TENM2: variants seen among roughly 807,000 people sequenced by gnomAD.
The protein encoded by TENM2 is teneurin transmembrane protein 2.
Under a neutral mutation model 245.2 loss-of-function variants are expected in TENM2, and 52 were observed. The ratio of observed to expected loss-of-function variants is 0.21; its 90% confidence interval spans 0.17 to 0.27. The LOEUF is 0.27. Among genes scored for constraint, TENM2 ranks in the 10% least tolerant of loss-of-function variants. The pLI is 1.00. For synonymous variants in TENM2, 1,363 were observed against 1,438.9 expected (o/e 0.95, Z 1.19); for missense variants, 3,046 against 3,666.8 (o/e 0.83, Z 4.37).
At chr5:167,958,899 G>A (rs917805064) in intron 4 of TENM2, among the ~76,000 whole-genome samples, 4 of 152,056 alleles carry the variant, frequency 2.6e-5, no homozygotes, top group Non-Finnish European at 5.9e-5. Flanking sequence ...CTTTCTCTCT[G>A]GCTGCCCTTA....
chr5:167,492,570 A>G (rs12655294), intron 2 of TENM2, among the ~76,000 whole-genome samples: 31,628 of 151,948 alleles, frequency 0.21, 3,286 homozygotes, highest in East Asian at 0.35. Context: ...TTATATGGCT[A>G]TTTTATAGAA....
chr5:167,461,323 C>A (rs1766276463), intron 2 of TENM2, among the ~76,000 whole-genome samples: 1 of 151,720 alleles, frequency 6.6e-6, no homozygotes, highest in Non-Finnish European at 1.5e-5. Flanking sequence ...GAGAATAACT[C>A]TTTTCCTTTA....
chr5:167,423,848 T>G (rs190144632), intron 2 of TENM2, among the ~76,000 whole-genome samples: 1 of 152,328 alleles, frequency 6.6e-6, no homozygotes, highest in African/African-American at 2.4e-5. Context: ...ATGATTCTCA[T>G]GTGGGGCATC....
intron 2 of TENM2, among the ~76,000 whole-genome samples, chr5:167,389,284 G>A (rs904824958): frequency 4.0e-5 from 6 of 149,598 alleles, no homozygotes; most frequent in Admixed American, 1.3e-4. Context: ...ATGCATATAG[G>A]CATGAAAAAG....
At chr5:166,994,317 T>C in the TENM2 span, among the ~76,000 whole-genome samples, 1 of 152,232 alleles carries the variant, frequency 6.6e-6, no homozygotes, top group African/African-American at 2.4e-5. Flanking sequence ...GGCGATCATC[T>C]TAGCTTCCTC....
chr5:167,570,016 C>A (rs1774166608), intron 2 of TENM2, among the ~76,000 whole-genome samples: 1 of 152,082 alleles, frequency 6.6e-6, no homozygotes, highest in Admixed American at 6.6e-5. Flanking sequence ...GGACATGTAA[C>A]CTGTCCTGGT....
intron 2 of TENM2, among the ~76,000 whole-genome samples, chr5:167,853,180 C>T (rs1165972279): frequency 6.7e-6 from 1 of 149,412 alleles, no homozygotes; most frequent in Non-Finnish European, 1.5e-5. Context: ...GTTCCAGCTA[C>T]TCAGGAGGCT....
chr5:167,131,205 C>G, the TENM2 span, among the ~76,000 whole-genome samples: 1 of 152,232 alleles, frequency 6.6e-6, no homozygotes, highest in South Asian at 2.1e-4. Context: ...ATGGTACAAA[C>G]ATTTTTATTT....
At chr5:168,086,152 A>G (rs1792436344) in intron 7 of TENM2, among the ~76,000 whole-genome samples, 1 of 152,070 alleles carries the variant, frequency 6.6e-6, no homozygotes, top group Non-Finnish European at 1.5e-5. Flanking sequence ...TTCTAGAAGC[A>G]TCTCTGGGCT....
the TENM2 span, among the ~76,000 whole-genome samples, chr5:167,021,689 A>G: frequency 6.6e-6 from 1 of 152,184 alleles, no homozygotes; most frequent in Non-Finnish European, 1.5e-5. Flanking sequence ...AAACTGATGG[A>G]TGTTGCCTAG....
chr5:167,827,789 T>G (rs990153793), intron 2 of TENM2, among the ~76,000 whole-genome samples: 1 of 152,134 alleles, frequency 6.6e-6, no homozygotes, highest in African/African-American at 2.4e-5. Context: ...TTTTCCAACC[T>G]CTGGACAATG....
chr5:167,200,000 G>A, the TENM2 span, among the ~76,000 whole-genome samples: 2 of 152,022 alleles, frequency 1.3e-5, no homozygotes, highest in African/African-American at 4.8e-5. Flanking sequence ...GTAAGAGCTG[G>A]AACTTAGGGA....
chr5:167,479,014 A>T (rs1031649194), intron 2 of TENM2, among the ~76,000 whole-genome samples: 3 of 148,218 alleles, frequency 2.0e-5, no homozygotes. Context: ...GTATACAGGT[A>T]CATGTGTTTA....
chr5:168,213,616 G>C (rs905876343), intron 20 of TENM2, among the ~76,000 whole-genome samples: 7 of 151,902 alleles, frequency 4.6e-5, no homozygotes, highest in African/African-American at 1.7e-4. Context: ...CTTGAGGCCA[G>C]GAGTTTGAGA....
intron 5 of TENM2, 142 bp from the exon 8 acceptor site, chr5:168,047,285 A>G (rs939520629): frequency 2.3e-6 from 2 of 851,948 alleles, no homozygotes; most frequent in African/African-American, 3.4e-5. Context: ...TATTTAGCTA[A>G]TCCCTGTGGC....
chr5:167,628,161 A>G (rs762004229), intron 2 of TENM2, among the ~76,000 whole-genome samples: 9 of 152,146 alleles, frequency 5.9e-5, no homozygotes, highest in Non-Finnish European at 1.0e-4. Context: ...TTTATCTTCC[A>G]GTTCTTACTC....
chr5:167,004,737 C>A, the TENM2 span, among the ~76,000 whole-genome samples: 1 of 152,050 alleles, frequency 6.6e-6, no homozygotes, highest in East Asian at 1.9e-4. Context: ...CAGCTTGCAG[C>A]GTGTGTGCGT....
At chr5:167,690,923 A>ATGTG (rs375456466) in intron 2 of TENM2, among the ~76,000 whole-genome samples, 1,905 of 78,690 alleles carry the variant, frequency 0.024, 25 homozygotes, top group Middle Eastern at 0.049. Flanking sequence ...ATATGCGAGT[A>ATGTG]TGTGTGTGTG....
At chr5:167,147,173 A>G in the TENM2 span, among the ~76,000 whole-genome samples, 1 of 152,350 alleles carries the variant, frequency 6.6e-6, no homozygotes, top group East Asian at 1.9e-4. Flanking sequence ...AGTGCTTAAA[A>G]GATTAGATCG....
Sources: allele counts gnomAD v4.1 joint callset (sites outside exome capture counted in the v4.1 genomes callset), GRCh38; gene constraint gnomAD v4.1.1; transcripts MANE v1.5; gene names NCBI Gene and HGNC (gene_info 2026-07-23, HGNC 2026-07-21).